The following EYA2 variants were observed in gnomAD, a reference collection of about 807,000 sequenced individuals.
EYA2 encodes EYA transcriptional coactivator and phosphatase 2.
In EYA2, 31 loss-of-function variants were observed where a neutral mutation model predicts 69.2. The ratio of observed to expected loss-of-function variants is 0.45; its 90% CI spans 0.34 to 0.60. EYA2 has a LOEUF of 0.60. Ranked by LOEUF, EYA2 falls within the 20% of genes least tolerant of loss-of-function variation. The probability of loss-of-function intolerance (pLI) is 0.02; values close to 1 mark genes in which losing one functional copy is unlikely to be tolerated. For missense variants in EYA2, 622 were observed against 701.2 expected (o/e 0.89, Z 1.28); for synonymous variants, 257 against 279.4 (o/e 0.92, Z 0.80).
rs114491585 is a variant in EYA2, at chr20:47,066,685, T to G, written c.416-5500T>G. Among the ~76,000 whole-genome samples, 452 of 152,316 alleles carry G rather than the reference T, an allele frequency of 3.0e-3. 1 individual carries two copies. The highest frequency in any genetic ancestry group is 0.01 in the African/African-American group (426 of 41,570). ...TGTGGCCACATTTAGCCATAGGGAA[T>G]CTGGGAATTGTAGTTTTTATTCTAA... On this transcript the variant is annotated intron_variant, in intron 5 of 15. Transcript: ENST00000327619.
chr20:47,166,393 T>TAAA lies in EYA2; in HGVS notation c.979-2710_979-2708dup, dbSNP rs370944686. Among the ~76,000 whole-genome samples, 7 of 34,478 alleles carry TAAA rather than the reference T, an allele frequency of 2.0e-4. 1 individual carries two copies. The highest frequency in any genetic ancestry group is 2.8e-4 in the Non-Finnish European group (4 of 14,300). The allele number at this position is 34,478 out of a possible 152,430, so 22.6% of individuals were successfully genotyped here. A position where few individuals can be genotyped will look rare whatever the true frequency, so the allele number is the denominator to read the frequency against. On this transcript the variant is annotated intron_variant, in intron 10 of 15. Transcript: ENST00000327619. ...GCTTGGGTGACAGAGCAAGACTGTC[T>TAAA]AAAAAAAAAAAAAAAAAAAAAAAAA... is the stretch of plus-strand genomic sequence containing the variant.
At chr20:47,151,364 C>T (rs2033819280) in intron 10 of EYA2, among the ~76,000 whole-genome samples, 1 of 151,228 alleles carries the variant, frequency 6.6e-6, no homozygotes, top group African/African-American at 2.4e-5. Flanking sequence ...GAGCGAGACT[C>T]CATCTCAAAA....
intron 10 of EYA2, among the ~76,000 whole-genome samples, chr20:47,151,954 A>G (rs1324745638): frequency 2.0e-5 from 3 of 151,990 alleles, no homozygotes; most frequent in African/African-American, 7.2e-5. Flanking sequence ...TGGAATTTCT[A>G]ACTTTCAGGA....
At chr20:46,908,598 C>G (rs1984478701) in intron 1 of EYA2, among the ~76,000 whole-genome samples, 1 of 152,194 alleles carries the variant, frequency 6.6e-6, no homozygotes, top group African/African-American at 2.4e-5. Context: ...ACCGCAGATA[C>G]CCAGAGAACC....
At chr20:46,967,652 G>A (rs760728286) in intron 1 of EYA2, among the ~76,000 whole-genome samples, 2 of 152,164 alleles carry the variant, frequency 1.3e-5, no homozygotes, top group Non-Finnish European at 2.9e-5. Context: ...GGGATACCAG[G>A]TAAAATGCTG....
At chr20:47,049,234 C>T (rs1166908123) in intron 5 of EYA2, among the ~76,000 whole-genome samples, 1 of 152,200 alleles carries the variant, frequency 6.6e-6, no homozygotes, top group East Asian at 1.9e-4. Context: ...CTAATGTGAA[C>T]CTCTTACATA....
chr20:46,993,940 C>T (rs916363733), intron 2 of EYA2, among the ~76,000 whole-genome samples: 1 of 152,220 alleles, frequency 6.6e-6, no homozygotes, highest in South Asian at 2.1e-4. Context: ...GCTCAAAAAA[C>T]TTTACATATA....
chr20:47,066,663 G>A lies in EYA2; in HGVS notation c.416-5522G>A, dbSNP rs564340063. Reference sequence around the variant, plus strand: ...TCCCTTTGCCTAGAACTCATCATGTGGCCACATTTAGCCATAGGGAATCTG... The same window carrying A: ...TCCCTTTGCCTAGAACTCATCATGTAGCCACATTTAGCCATAGGGAATCTG... On this transcript the variant is annotated intron_variant, in intron 5 of 15. Transcript: ENST00000327619. 3.3e-5 allele frequency among the ~76,000 whole-genome samples: 5 copies of A among 152,208 alleles called. No individual in the cohort carries two copies. The East Asian group carries it at 9.6e-4, about 29-fold the overall frequency.
intron 1 of EYA2, chr20:46,978,433 G>A (rs911676336): frequency 2.6e-6 from 1 of 382,486 alleles, no homozygotes; most frequent in Non-Finnish European, 5.4e-6. Flanking sequence ...CCTCTGCAGG[G>A]TGAGCAGGAG....
intron 12 of EYA2, among the ~76,000 whole-genome samples, chr20:47,174,570 A>C (rs2034391688): frequency 6.6e-6 from 1 of 152,208 alleles, no homozygotes; most frequent in Non-Finnish European, 1.5e-5. Context: ...TCTTTGGGAC[A>C]GACTTCCCGT....
rs141627005 is a variant in EYA2, at chr20:46,951,187, T to A, written c.-10-38814T>A. Among the ~76,000 whole-genome samples the A allele has an allele frequency of 9.8e-5, 15 of 152,304 alleles. No individual in the cohort carries two copies. In the East Asian group the frequency reaches 2.1e-3, roughly 22 times the overall value. On this transcript the variant is annotated intron_variant, in intron 1 of 15. Transcript: ENST00000327619. ...GCATCCTTGTTGCTTGTAAGGATTC[T>A]GGCAAGTGTGATAAGGTCATGAGGC...
chr20:46,953,095 A>C (rs990440013), intron 1 of EYA2, among the ~76,000 whole-genome samples: 3 of 152,218 alleles, frequency 2.0e-5, no homozygotes, highest in African/African-American at 7.2e-5. Flanking sequence ...ATTATTCCTA[A>C]TATTAAAACT....
At chr20:47,141,838 T>C (rs2033602882) in intron 9 of EYA2, among the ~76,000 whole-genome samples, 1 of 152,230 alleles carries the variant, frequency 6.6e-6, no homozygotes, top group Non-Finnish European at 1.5e-5. Flanking sequence ...CCAAAGCAAG[T>C]TGCATGGTCC....
intron 5 of EYA2, among the ~76,000 whole-genome samples, chr20:47,040,402 G>C (rs898930398): frequency 6.6e-6 from 1 of 152,186 alleles, no homozygotes; most frequent in Non-Finnish European, 1.5e-5. Flanking sequence ...GGGGGATCTT[G>C]GGCAAGCTCC....
rs1033946840 is a variant in EYA2 at position 47,180,715 on chromosome 20, A to G, written c.1314-100A>G. 4.1e-6 allele frequency: 6 copies of G among 1,463,582 alleles called. No individual in the cohort carries two copies. The African/African-American group carries it at 8.4e-5, about 20-fold the overall frequency. 90.7% of individuals were successfully genotyped at this position (1,463,582 alleles called of 1,614,324 possible). Reference sequence around the variant, plus strand: ...CTGAAGATGACAGCCATAGCCTCCAAGCCTACCAGATTTCCCGCCAACTGC... The same window carrying G: ...CTGAAGATGACAGCCATAGCCTCCAGGCCTACCAGATTTCCCGCCAACTGC... On this transcript the variant is annotated intron_variant, in intron 13 of 15. Transcript: ENST00000327619.
At chr20:47,028,547 G>A (rs1230686066) in intron 5 of EYA2, among the ~76,000 whole-genome samples, 4 of 152,236 alleles carry the variant, frequency 2.6e-5, no homozygotes, top group Admixed American at 6.5e-5. Flanking sequence ...TATTAAGGGA[G>A]CATCTCCTCT....
chr20:47,107,916 T>C (rs1293137606), intron 9 of EYA2, among the ~76,000 whole-genome samples: 2 of 151,960 alleles, frequency 1.3e-5, no homozygotes, highest in Non-Finnish European at 2.9e-5. Flanking sequence ...ACAGAGAAGC[T>C]AAATTTTGAA....
intron 9 of EYA2, among the ~76,000 whole-genome samples, chr20:47,106,928 T>C (rs1464581428): frequency 6.6e-6 from 1 of 151,990 alleles, no homozygotes; most frequent in Non-Finnish European, 1.5e-5. Flanking sequence ...ATACATCAGA[T>C]CCTTGAGGGA....
rs201177902 is a variant in EYA2, at chr20:47,089,294, C to G, written c.717C>G (p.Asp239Glu). 4.1e-4 allele frequency: 661 copies of G among 1,614,198 alleles called. 3 individuals carry two copies. Among genetic ancestry groups the G allele is most frequent in the Non-Finnish European group, 3.1e-5 (37 of 1,180,022 alleles). Residue 239 changes from aspartate to glutamate, a missense_variant, in exon 8 of 16, where the codon GAC becomes GAG. This residue lies in a region of EYA2 where 365 missense variants were observed against 349.7 expected (regional missense o/e 1.04). Coordinates refer to ENST00000327619, the MANE Select transcript of EYA2 (RefSeq NM_005244.5). ...PSTPAKEGDT[D>E]RPHRASDGKL... ...CACCAGCGAAAGAGGGAGACACAGA[C>G]AGGCCGCACCGGGCCTCCGACGGGA...
Sources: gnomAD v4.1 joint callset for allele counts (sites outside exome capture counted in the v4.1 genomes callset) on GRCh38, gnomAD v4.1.1 for gene constraint, gnomAD v4.1.1 regional missense constraint, MANE v1.5 for transcripts, NCBI Gene and HGNC (gene_info 2026-07-23, HGNC 2026-07-21) for gene names.